The following CLVS1 variants were observed in gnomAD, a reference collection of about 807,000 sequenced individuals.
The protein encoded by CLVS1 is clavesin-1.
A neutral mutation model predicts 33.1 loss-of-function variants in CLVS1; 10 were observed. The ratio of observed to expected loss-of-function variants is 0.30; its 90% confidence interval spans 0.19 to 0.51. CLVS1 has a LOEUF of 0.51. CLVS1 is among the 20% of genes least tolerant of loss of function. CLVS1 has a pLI of 0.97. For missense variants in CLVS1, 343 were observed against 433.4 expected (o/e 0.79, Z 1.85); for synonymous variants, 163 against 166.1 (o/e 0.98, Z 0.14).
the CLVS1 span, among the ~76,000 whole-genome samples, chr8:61,045,881 G>A: frequency 1.3e-5 from 2 of 152,162 alleles, no homozygotes; most frequent in Non-Finnish European, 2.9e-5. Flanking sequence ...ATAGATTCTG[G>A]ATATTAGCCC....
At chr8:61,091,795 T>A (rs982240758) in intron 1 of CLVS1, among the ~76,000 whole-genome samples, 3 of 152,200 alleles carry the variant, frequency 2.0e-5, no homozygotes, top group Non-Finnish European at 4.4e-5. Context: ...ACACATAAAA[T>A]TACCTTTGCC....
intron 5 of CLVS1, among the ~76,000 whole-genome samples, chr8:61,478,572 T>C (rs1227898216): frequency 1.3e-5 from 2 of 152,228 alleles, no homozygotes; most frequent in East Asian, 3.9e-4. Context: ...CATTATGTAA[T>C]GGCCTTCTAT....
At chr8:61,037,844 C>T in the CLVS1 span, among the ~76,000 whole-genome samples, 2 of 152,150 alleles carry the variant, frequency 1.3e-5, no homozygotes, top group Non-Finnish European at 2.9e-5. Flanking sequence ...TATCATTATT[C>T]ATGGCAGCCA....
intron 2 of CLVS1, among the ~76,000 whole-genome samples, chr8:61,252,618 A>G (rs1585723627): frequency 1.3e-5 from 2 of 152,190 alleles, no homozygotes; most frequent in Non-Finnish European, 2.9e-5. Flanking sequence ...GGGTGCATAT[A>G]TATTTAGGAT....
intron 3 of CLVS1, among the ~76,000 whole-genome samples, chr8:61,416,154 A>G (rs559123276): frequency 1.3e-5 from 2 of 152,246 alleles, no homozygotes; most frequent in African/African-American, 4.8e-5. Context: ...ATAAATAACA[A>G]TCTTCCTGTT....
intron 2 of CLVS1, among the ~76,000 whole-genome samples, chr8:61,304,639 C>G (rs572568912): frequency 6.6e-6 from 1 of 152,172 alleles, no homozygotes; most frequent in South Asian, 2.1e-4. Flanking sequence ...CAATAATTCA[C>G]CATTTGCCCC....
intron 5 of CLVS1, among the ~76,000 whole-genome samples, chr8:61,493,572 T>C (rs1343094265): frequency 6.6e-6 from 1 of 152,234 alleles, no homozygotes; most frequent in Non-Finnish European, 1.5e-5. Context: ...GGACCCATCA[T>C]TCTTCAAGCC....
At chr8:61,352,649 A>C (rs1812517440) in intron 2 of CLVS1, among the ~76,000 whole-genome samples, 1 of 152,056 alleles carries the variant, frequency 6.6e-6, no homozygotes. Flanking sequence ...AAACTACCAT[A>C]GATAATGAAG....
At chr8:60,993,035 C>T in the CLVS1 span, among the ~76,000 whole-genome samples, 8 of 152,334 alleles carry the variant, frequency 5.3e-5, no homozygotes, top group East Asian at 1.2e-3. Flanking sequence ...TAAAAAGCTA[C>T]CTCCTTATCA....
chr8:61,343,697 T>C (rs1435386516), intron 2 of CLVS1, among the ~76,000 whole-genome samples: 1 of 152,154 alleles, frequency 6.6e-6, no homozygotes, highest in Admixed American at 6.6e-5. Context: ...GCAAAATTAA[T>C]GCTGAATATC....
At chr8:60,982,522 C>T in the CLVS1 span, among the ~76,000 whole-genome samples, 1 of 151,942 alleles carries the variant, frequency 6.6e-6, no homozygotes, top group Admixed American at 6.6e-5. Context: ...CATATAATTG[C>T]CTCACTGTGC....
At chr8:61,273,766 C>T (rs1809507927) in intron 2 of CLVS1, among the ~76,000 whole-genome samples, 1 of 152,234 alleles carries the variant, frequency 6.6e-6, no homozygotes, top group Non-Finnish European at 1.5e-5. Context: ...AGGTGCTGCC[C>T]ATCACCCCTT....
At chr8:61,231,519 C>T (rs960601230) in intron 2 of CLVS1, among the ~76,000 whole-genome samples, 1 of 152,186 alleles carries the variant, frequency 6.6e-6, no homozygotes, top group South Asian at 2.1e-4. Flanking sequence ...TGCTCTAAAG[C>T]AAATCCACTC....
intron 2 of CLVS1, among the ~76,000 whole-genome samples, chr8:61,328,667 G>A (rs1346985924): frequency 6.6e-6 from 1 of 152,088 alleles, no homozygotes; most frequent in Admixed American, 6.6e-5. Flanking sequence ...AAGCCCTCTA[G>A]CATGCATGTT....
chr8:61,021,704 T>C, the CLVS1 span, among the ~76,000 whole-genome samples: 1 of 152,170 alleles, frequency 6.6e-6, no homozygotes, highest in South Asian at 2.1e-4. Flanking sequence ...AATTTTTCTA[T>C]TTTATGTTAT....
chr8:61,424,818 G>A lies in CLVS1; in HGVS notation c.631-29323G>A, dbSNP rs116990798. On this transcript the variant is annotated intron_variant, in intron 3 of 5. Transcript: ENST00000325897. ...TTGGGACTATTCACAAAAAGGAAAT[G>A]TACACAGAAGATTATAATAATGAAT... 1.5e-3 allele frequency among the ~76,000 whole-genome samples: 230 copies of A among 152,232 alleles called. No individual in the cohort carries two copies. In the Middle Eastern group the frequency reaches 0.017, roughly 11 times the overall value.
At chr8:61,426,909 T>C (rs1176956143) in intron 3 of CLVS1, among the ~76,000 whole-genome samples, 1 of 152,130 alleles carries the variant, frequency 6.6e-6, no homozygotes, top group Admixed American at 6.6e-5. Flanking sequence ...AATAAATAAA[T>C]TAAAAGGCAG....
intron 3 of CLVS1, among the ~76,000 whole-genome samples, chr8:61,416,168 C>T (rs1406028603): frequency 6.6e-6 from 1 of 152,018 alleles, no homozygotes; most frequent in Non-Finnish European, 1.5e-5. Context: ...TCCTGTTTTG[C>T]TTAATTTATG....
At chr8:61,294,385 G>C (rs1251706455) in intron 1 of CLVS1, among the ~76,000 whole-genome samples, 2 of 152,068 alleles carry the variant, frequency 1.3e-5, no homozygotes, top group Admixed American at 1.3e-4. Context: ...CATCTAATAA[G>C]TACTCCATGA....
Sources: gnomAD v4.1 joint callset for allele counts (sites outside exome capture counted in the v4.1 genomes callset) on GRCh38, gnomAD v4.1.1 for gene constraint, MANE v1.5 for transcripts, NCBI Gene and HGNC (gene_info 2026-07-23, HGNC 2026-07-21) for gene names.